Variants in GYG1 observed in about 807,000 individuals in gnomAD.
GYG1 encodes glycogenin 1.
In GYG1, 44 loss-of-function variants were observed where a neutral mutation model predicts 41.9. The ratio of observed to expected loss-of-function variants is 1.05; its 90% confidence interval spans 0.83 to 1.35. GYG1 has a LOEUF of 1.35. Among genes scored for constraint, GYG1 ranks in the 40% most tolerant of loss-of-function variants. GYG1 has a pLI of 0.00. For missense variants in GYG1, 429 were observed against 418.9 expected (o/e 1.02, Z -0.21); for synonymous variants, 141 against 158.1 (o/e 0.89, Z 0.81).
chr3:149,017,183 G>C (rs998599836), intron 5 of GYG1, among the ~76,000 whole-genome samples: 16 of 152,160 alleles, frequency 1.1e-4, no homozygotes, highest in Non-Finnish European at 2.2e-4. Flanking sequence ...GTAACATCAG[G>C]TCACAGGGAT....
intron 5 of GYG1, 58 bp downstream of exon 5, chr3:149,009,460 A>G: frequency 1.3e-6 from 2 of 1,543,758 alleles, no homozygotes; most frequent in Middle Eastern, 1.7e-4. Context: ...ATTGGGGTGT[A>G]CAATTTTGGG....
intron 4 of GYG1, among the ~76,000 whole-genome samples, chr3:149,006,954 G>A (rs1713439611): frequency 6.6e-6 from 1 of 152,158 alleles, no homozygotes; most frequent in Non-Finnish European, 1.5e-5. Context: ...TCTGTCCTTT[G>A]TCTTAGCCTA....
Position 149,017,582 on chromosome 3 carries a change from G to GTTTTTTTTTTTTTTTTT in GYG1, c.609-6457_609-6441dup. On this transcript the variant is annotated intron_variant, in intron 5 of 7. Transcript: ENST00000345003. ...TTATTTATTTATTTCTTTTATTTAG[G>GTTTTTTTTTTTTTTTTT]TTTTTTTTTTTTTTTTTTTTTTTTT... Among the ~76,000 whole-genome samples the GTTTTTTTTTTTTTTTTT allele has an allele frequency of 4.2e-5, 2 of 47,328 alleles. 1 individual carries two copies. The highest frequency in any genetic ancestry group is 9.6e-5 in the Non-Finnish European group (2 of 20,920). 31.0% of individuals were successfully genotyped at this position (47,328 alleles called of 152,430 possible). A position where few individuals can be genotyped will look rare whatever the true frequency, so the allele number is the denominator to read the frequency against.
intron 4 of GYG1, among the ~76,000 whole-genome samples, chr3:149,002,990 C>G (rs937725240): frequency 2.0e-5 from 3 of 152,076 alleles, no homozygotes; most frequent in African/African-American, 7.2e-5. Context: ...GCACTCCAGC[C>G]TGGGTGACAG....
rs1327197733 is a variant in GYG1 at position 149,031,660 on chromosome 3, A to C, written c.*4727A>C. ...AGTCATTTATGTGAACTATATCTCA[A>C]TGTAGCTGTAGGAAAAATAAAAACC... On this transcript the variant is annotated 3_prime_UTR_variant, in exon 8 of 8. Transcript: ENST00000345003. 6.6e-6 allele frequency: 1 copy of C among 152,194 alleles called. No homozygotes were observed. Among genetic ancestry groups the C allele is most frequent in the African/African-American group, 2.4e-5 (1 of 41,450 alleles). 9.4% of individuals were successfully genotyped at this position (152,194 alleles called of 1,614,324 possible).
chr3:149,011,305 T>C (rs1379541020), intron 5 of GYG1, among the ~76,000 whole-genome samples: 1 of 152,238 alleles, frequency 6.6e-6, no homozygotes, highest in African/African-American at 2.4e-5. Context: ...GTCTGAATAG[T>C]GTTCTTGCAA....
chr3:148,992,120 G>C (rs890421283), intron 1 of GYG1, among the ~76,000 whole-genome samples: 1 of 152,156 alleles, frequency 6.6e-6, no homozygotes, highest in African/African-American at 2.4e-5. Context: ...CTCCTCCGCC[G>C]CCCGCCCCGG....
chr3:149,031,174 G>GA lies in GYG1; in HGVS notation c.*4247dup, dbSNP rs1039851230. 6.6e-6 allele frequency: 1 copy of GA among 152,076 alleles called. No individual in the cohort carries two copies. Among genetic ancestry groups the GA allele is most frequent in the African/African-American group, 2.4e-5 (1 of 41,306 alleles). The allele number at this position is 152,076 out of a possible 1,614,324, so 9.4% of individuals were successfully genotyped here. ...ACAAAAAAGTAAAAAAAAAAGAAAA[G>GA]AAAAAAGATGACTAATTCTACAGAT... On this transcript the variant is annotated 3_prime_UTR_variant, in exon 8 of 8. Transcript: ENST00000345003.
rs1036194421 is a variant in GYG1 at position 149,027,496 on chromosome 3, C to T, written c.*563C>T. 1.3e-5 allele frequency: 2 copies of T among 157,116 alleles called. No individual in the cohort carries two copies. Among genetic ancestry groups the T allele is most frequent in the African/African-American group, 4.8e-5 (2 of 41,452 alleles). 9.7% of individuals were successfully genotyped at this position (157,116 alleles called of 1,614,324 possible). A position where few individuals can be genotyped will look rare whatever the true frequency, so the allele number is the denominator to read the frequency against. ...CCTGTCCTTAGTGTCTGAAGATGCT[C>T]ACCAGTTTTCTGTGTACAGTAAGGC... On this transcript the variant is annotated 3_prime_UTR_variant, in exon 8 of 8. Coordinates refer to ENST00000345003, the MANE Select transcript of GYG1 (RefSeq NM_004130.4).
At chr3:148,992,719 A>T (rs1290051933) in intron 1 of GYG1, 1 of 152,198 alleles carries the variant, frequency 6.6e-6, no homozygotes, top group Non-Finnish European at 1.5e-5. Flanking sequence ...GTACAGGCGG[A>T]TGTTGATGGG....
At position 148,996,723 on chromosome 3, in the gene GYG1, C is replaced by G. The variant is rs144099043; in HGVS notation, c.319-19C>G. 2.5e-5 allele frequency: 41 copies of G among 1,609,776 alleles called. No homozygotes were observed. The African/African-American group carries it at 5.2e-4, about 20-fold the overall frequency. On this transcript the variant is annotated intron_variant, in intron 3 of 7. Coordinates refer to ENST00000345003, the MANE Select transcript of GYG1 (RefSeq NM_004130.4). ...GCAGCAAAAACATTTCTGTAATGCT[C>G]TTTCTCCCCTTTGATCAGGTCCTAG...
rs1029178395 is a variant in GYG1 at position 149,016,156 on chromosome 3, G to A, written c.608+6754G>A. Among the ~76,000 whole-genome samples, 174 of 151,652 alleles carry A rather than the reference G, an allele frequency of 1.1e-3. 3 individuals carry two copies. The highest frequency in any genetic ancestry group is 0.011 in the Admixed American group (171 of 15,216). ...GGCGCCTGTTGTCCCAGCTACTCAG[G>A]AGGCTGAGGCAGGAGAATGGCGTGA... On this transcript the variant is annotated intron_variant, in intron 5 of 7. Coordinates refer to ENST00000345003, the MANE Select transcript of GYG1 (RefSeq NM_004130.4).
chr3:148,998,991 CAT>C (rs1346296307), intron 4 of GYG1, among the ~76,000 whole-genome samples: 2 of 152,152 alleles, frequency 1.3e-5, no homozygotes, highest in Non-Finnish European at 2.9e-5. Flanking sequence ...CTGAAATCCA[CAT>C]GATTTTAATC....
chr3:149,017,627 G>T (rs1276564621), intron 5 of GYG1, among the ~76,000 whole-genome samples: 1 of 102,812 alleles, frequency 9.7e-6, no homozygotes, highest in East Asian at 3.3e-4. Context: ...ACACAGTCTC[G>T]CTCTGTCACC....
rs1303200421 is a variant in GYG1 at position 148,991,557 on chromosome 3, C to A, written c.-84C>A. The A allele has an allele frequency of 1.2e-5, 19 of 1,522,152 alleles. No homozygotes were observed. Among genetic ancestry groups the A allele is most frequent in the Non-Finnish European group, 1.5e-5 (17 of 1,137,860 alleles). The allele number at this position is 1,522,152 out of a possible 1,614,324, so 94.3% of individuals were successfully genotyped here. ...CGCTCGGTTCCCCGCCGTGCCTCCT[C>A]GCTGGCCGCGCTCCCTCCCGGTGCC... On this transcript the variant is annotated 5_prime_UTR_variant, in exon 1 of 8. Coordinates refer to ENST00000345003, the MANE Select transcript of GYG1 (RefSeq NM_004130.4).
intron 4 of GYG1, among the ~76,000 whole-genome samples, chr3:149,006,137 C>T (rs116099678): frequency 0.021 from 2,940 of 140,372 alleles, 62 homozygotes; most frequent in Middle Eastern, 0.059. Flanking sequence ...GCCTTGAGTG[C>T]GGTGGCGTGA....
chr3:149,025,966 G>A lies in GYG1; in HGVS notation c.829-486G>A, dbSNP rs375456574. Among the ~76,000 whole-genome samples the A allele has an allele frequency of 2.6e-5, 4 of 152,336 alleles. 1 individual carries two copies. The highest frequency in any genetic ancestry group is 6.5e-5 in the Admixed American group (1 of 15,302). On this transcript the variant is annotated intron_variant, in intron 6 of 7. Coordinates refer to ENST00000345003, the MANE Select transcript of GYG1 (RefSeq NM_004130.4). Reference sequence around the variant, plus strand: ...CTGGAAATGCCTCTGTATCATTACTGTTGCCAAGTGCAAGGCAAAGGCAGG... The same window carrying A: ...CTGGAAATGCCTCTGTATCATTACTATTGCCAAGTGCAAGGCAAAGGCAGG...
Position 148,991,572 on chromosome 3 carries a change from C to A in GYG1, c.-69C>A. On this transcript the variant is annotated 5_prime_UTR_variant, in exon 1 of 8. Coordinates refer to ENST00000345003, the MANE Select transcript of GYG1 (RefSeq NM_004130.4). ...CGTGCCTCCTCGCTGGCCGCGCTCC[C>A]TCCCGGTGCCGGCTTCTCTGAGTCA... The A allele has an allele frequency of 6.5e-7, 1 of 1,534,884 alleles. No individual in the cohort carries two copies. The highest frequency in any genetic ancestry group is 2.5e-5 in the East Asian group (1 of 40,772).
Position 148,994,288 on chromosome 3 carries a change from C to T in GYG1, c.143+11C>T, listed in dbSNP as rs367745695. 26 of 1,613,602 alleles carry T rather than the reference C, an allele frequency of 1.6e-5. No individual in the cohort carries two copies. The highest frequency in any genetic ancestry group is 1.1e-4 in the African/African-American group (8 of 74,908). ...CTCAGACTCCATGAGGTGAGGACCT[C>T]GCTGCCACCCCAGCATCCAAGGGGC... On this transcript the variant is annotated intron_variant, in intron 2 of 7. Transcript: ENST00000345003.
Sources: allele counts gnomAD v4.1 joint callset (sites outside exome capture counted in the v4.1 genomes callset), GRCh38; gene constraint gnomAD v4.1.1; transcripts MANE v1.5; gene names NCBI Gene and HGNC (gene_info 2026-07-23, HGNC 2026-07-21).